The following KIAA1671 variants were observed in gnomAD, a reference collection of about 807,000 sequenced individuals.
KIAA1671 encodes the protein KIAA1671.
In KIAA1671, 52 loss-of-function variants were observed where a neutral mutation model predicts 131.2. That is an observed-to-expected ratio of 0.40 (90% confidence interval 0.32 to 0.50). The LOEUF is 0.50. Ranked by LOEUF, KIAA1671 falls within the 20% of genes least tolerant of loss-of-function variation. The pLI is 0.73. For missense variants in KIAA1671, 2,360 were observed against 2,364.2 expected, an observed-to-expected ratio of 1.00 and a Z score of 0.04; for synonymous variants, 1,003 against 961.6, an observed-to-expected ratio of 1.04 and a Z score of -0.80.
At chr22:25,092,076 A>G (rs1246102699) in intron 6 of KIAA1671, among the ~76,000 whole-genome samples, 2 of 152,302 alleles carry the variant, frequency 1.3e-5, no homozygotes, top group East Asian at 3.9e-4. Context: ...CAAGCATCAG[A>G]GGGGAATACG....
intron 6 of KIAA1671, among the ~76,000 whole-genome samples, chr22:25,077,680 C>T (rs906248776): frequency 4.6e-5 from 7 of 152,168 alleles, no homozygotes; most frequent in Admixed American, 2.0e-4. Flanking sequence ...CTGCAGGGTC[C>T]GTGTTCCATG....
At chr22:25,124,691 T>C (rs922977627) in intron 6 of KIAA1671, among the ~76,000 whole-genome samples, 14 of 152,218 alleles carry the variant, frequency 9.2e-5, no homozygotes, top group Admixed American at 9.2e-4. Context: ...ACAACCTTGA[T>C]ACATTAGTCA....
intron 11 of KIAA1671, among the ~76,000 whole-genome samples, chr22:25,187,326 A>G (rs1388528883): frequency 6.6e-6 from 1 of 152,222 alleles, no homozygotes; most frequent in Non-Finnish European, 1.5e-5. Flanking sequence ...TGCAAAGACC[A>G]TGACTGTTGA....
At chr22:24,975,904 G>A (rs1922886434) in intron 1 of KIAA1671, among the ~76,000 whole-genome samples, 1 of 152,178 alleles carries the variant, frequency 6.6e-6, no homozygotes. Context: ...GGAGATGAGA[G>A]CTTTGGTTAA....
intron 6 of KIAA1671, among the ~76,000 whole-genome samples, chr22:25,156,012 CTTTTTTTTTTTT>C (rs57822676): frequency 2.5e-4 from 9 of 35,342 alleles, no homozygotes; most frequent in African/African-American, 4.3e-4. Flanking sequence ...TGTGTATGTG[CTTTTTTTTTTTT>C]TTTTTTTTTT....
intron 1 of KIAA1671, among the ~76,000 whole-genome samples, chr22:25,019,293 A>G (rs1289030142): frequency 1.3e-5 from 2 of 152,150 alleles, no homozygotes; most frequent in Non-Finnish European, 2.9e-5. Flanking sequence ...TGTAGAATGG[A>G]AGTTGTAATA....
chr22:25,034,938 C>T (rs970485369), intron 4 of KIAA1671, among the ~76,000 whole-genome samples: 4 of 151,302 alleles, frequency 2.6e-5, no homozygotes, highest in Non-Finnish European at 5.9e-5. Flanking sequence ...GGGGTTTCAC[C>T]GTGTTAGCCA....
At chr22:25,036,810 G>T (rs1926624630) in intron 4 of KIAA1671, among the ~76,000 whole-genome samples, 1 of 152,084 alleles carries the variant, frequency 6.6e-6, no homozygotes, top group East Asian at 1.9e-4. Context: ...TGTAATCCCA[G>T]CCACTCGGGA....
intron 1 of KIAA1671, among the ~76,000 whole-genome samples, chr22:25,008,059 G>A (rs1468735949): frequency 4.0e-5 from 6 of 151,854 alleles, no homozygotes; most frequent in East Asian, 1.9e-4. Context: ...TTAGCCGGGC[G>A]TGGTGGCAGG....
intron 12 of KIAA1671, among the ~76,000 whole-genome samples, chr22:25,191,269 C>T (rs1375415555): frequency 6.6e-6 from 1 of 151,436 alleles, no homozygotes; most frequent in Non-Finnish European, 1.5e-5. Context: ...GATTCTCCTG[C>T]CTCAGCCTCC....
intron 3 of KIAA1671, among the ~76,000 whole-genome samples, chr22:25,030,481 G>T (rs1926224406): frequency 6.7e-6 from 1 of 149,902 alleles, no homozygotes; most frequent in Non-Finnish European, 1.5e-5. Flanking sequence ...GTTGCAGTGA[G>T]CCGAGATCAC....
chr22:24,962,978 G>A (rs1922090615), intron 1 of KIAA1671, among the ~76,000 whole-genome samples: 1 of 152,026 alleles, frequency 6.6e-6, no homozygotes, highest in Admixed American at 6.6e-5. Flanking sequence ...GTATTCACAT[G>A]GCGCCACTAT....
intron 9 of KIAA1671, among the ~76,000 whole-genome samples, chr22:25,181,075 C>T (rs1052568763): frequency 1.3e-5 from 2 of 152,120 alleles, no homozygotes; most frequent in African/African-American, 2.4e-5. Context: ...CTTTCATCCC[C>T]GCCCCCTCCT....
At chr22:25,008,451 A>G (rs1924865969) in intron 1 of KIAA1671, among the ~76,000 whole-genome samples, 1 of 152,096 alleles carries the variant, frequency 6.6e-6, no homozygotes, top group Non-Finnish European at 1.5e-5. Context: ...GAGGGTATTA[A>G]CAGACATGCA....
intron 6 of KIAA1671, among the ~76,000 whole-genome samples, chr22:25,105,094 G>C (rs536944284): frequency 6.6e-6 from 1 of 151,712 alleles, no homozygotes; most frequent in South Asian, 2.1e-4. Flanking sequence ...TGTGTTCTCA[G>C]CTCATTGCAA....
At chr22:25,005,346 T>TAAAAAAA (rs569086369) in intron 1 of KIAA1671, among the ~76,000 whole-genome samples, 90 of 111,466 alleles carry the variant, frequency 8.1e-4, no homozygotes, top group African/African-American at 2.7e-3. Flanking sequence ...AGACTCCATC[T>TAAAAAAA]AAAAAAAAAA....
At chr22:25,074,953 C>T (rs796393075) in intron 6 of KIAA1671, among the ~76,000 whole-genome samples, 7 of 152,268 alleles carry the variant, frequency 4.6e-5, no homozygotes, top group African/African-American at 1.4e-4. Flanking sequence ...TACTATTTTA[C>T]GTAACAACTT....
chr22:25,112,036 G>T, intron 6 of KIAA1671: 1 of 396,324 alleles, frequency 2.5e-6, no homozygotes, highest in Non-Finnish European at 4.4e-6. Context: ...CCTGAAGAAA[G>T]CTGCTGTTTT....
intron 1 of KIAA1671, among the ~76,000 whole-genome samples, chr22:24,991,325 T>C (rs1923829943): frequency 6.6e-6 from 1 of 151,930 alleles, no homozygotes; most frequent in Admixed American, 6.6e-5. Context: ...GCCCAGCCCC[T>C]TTCTTCCTTA....
Sources: gnomAD v4.1 joint callset for allele counts (sites outside exome capture counted in the v4.1 genomes callset) on GRCh38, gnomAD v4.1.1 for gene constraint, MANE v1.5 for transcripts, NCBI Gene and HGNC (gene_info 2026-07-23, HGNC 2026-07-21) for gene names.